The following MDGA2 variants were observed in gnomAD, a reference collection of about 807,000 sequenced individuals.
MDGA2 encodes the protein MAM domain containing glycosylphosphatidylinositol anchor 2.
Under a neutral mutation model 117.8 loss-of-function variants are expected in MDGA2, and 40 were observed. The observed-to-expected ratio is 0.34, with a 90% CI of 0.26 to 0.44. The LOEUF (loss-of-function observed/expected upper bound fraction) is 0.44, where lower values mean the gene tolerates loss of function less well. MDGA2 is among the 20% of genes least tolerant of loss of function. The pLI is 1.00. For synonymous variants in MDGA2, 452 were observed against 439.0 expected (o/e 1.03, Z -0.37); for missense variants, 1,123 against 1,250.6 (o/e 0.90, Z 1.54).
intron 2 of MDGA2, among the ~76,000 whole-genome samples, chr14:47,293,854 G>C (rs1047454550): frequency 3.9e-5 from 6 of 152,008 alleles, no homozygotes; most frequent in East Asian, 1.9e-4. Context: ...AGAGTAAAAA[G>C]TATTAGCAAT....
chr14:47,539,101 T>C (rs1268248735), intron 1 of MDGA2, among the ~76,000 whole-genome samples: 1 of 152,094 alleles, frequency 6.6e-6, no homozygotes, highest in African/African-American at 2.4e-5. Context: ...TGAGGGCTGG[T>C]TGGTGCACAC....
intron 1 of MDGA2, among the ~76,000 whole-genome samples, chr14:47,364,533 G>A (rs1566755587): frequency 6.6e-6 from 1 of 152,142 alleles, no homozygotes; most frequent in Non-Finnish European, 1.5e-5. Flanking sequence ...CAACGTGCTG[G>A]GATTACAGGC....
At chr14:47,272,379 T>C (rs1888174177) in intron 2 of MDGA2, among the ~76,000 whole-genome samples, 1 of 152,086 alleles carries the variant, frequency 6.6e-6, no homozygotes. Context: ...ATACCAGTTA[T>C]GTCACACCAG....
intron 3 of MDGA2, among the ~76,000 whole-genome samples, chr14:47,191,446 T>C (rs538471202): frequency 6.7e-6 from 1 of 149,470 alleles, no homozygotes; most frequent in African/African-American, 2.4e-5. Flanking sequence ...ATGAAAATTC[T>C]AGAAATATTA....
At chr14:47,454,611 T>C (rs1170693473) in intron 1 of MDGA2, among the ~76,000 whole-genome samples, 1 of 152,226 alleles carries the variant, frequency 6.6e-6, no homozygotes, top group Non-Finnish European at 1.5e-5. Flanking sequence ...CTTTTACACA[T>C]GTACCTGATT....
At chr14:47,255,124 ACATATTACCCAT>A (rs1243284416) in intron 2 of MDGA2, among the ~76,000 whole-genome samples, 94 of 152,336 alleles carry the variant, frequency 6.2e-4, no homozygotes, top group African/African-American at 2.2e-3. Context: ...TTAACATGTG[ACATATTACCCAT>A]TTTAATTTTG....
intron 1 of MDGA2, among the ~76,000 whole-genome samples, chr14:47,545,045 T>C (rs2138764435): frequency 6.6e-6 from 1 of 152,356 alleles, no homozygotes; most frequent in African/African-American, 2.4e-5. Context: ...AGAATCATTT[T>C]CATTATTCAA....
At chr14:47,383,510 T>C (rs1594829005) in intron 1 of MDGA2, among the ~76,000 whole-genome samples, 1 of 152,268 alleles carries the variant, frequency 6.6e-6, no homozygotes, top group South Asian at 2.1e-4. Context: ...TATCACACCA[T>C]TCTTCTGAAT....
chr14:46,872,214 A>G (rs1882032859), intron 14 of MDGA2, among the ~76,000 whole-genome samples: 1 of 151,982 alleles, frequency 6.6e-6, no homozygotes, highest in Non-Finnish European at 1.5e-5. Context: ...AGCTTAAATA[A>G]TATGGTGGCT....
chr14:47,275,622 C>T (rs576846717), intron 2 of MDGA2, among the ~76,000 whole-genome samples: 3 of 151,946 alleles, frequency 2.0e-5, no homozygotes, highest in Non-Finnish European at 4.4e-5. Context: ...TTATGTAATA[C>T]TATAATTCCA....
intron 1 of MDGA2, among the ~76,000 whole-genome samples, chr14:47,324,341 A>G (rs1890078358): frequency 6.6e-6 from 1 of 152,332 alleles, no homozygotes; most frequent in East Asian, 1.9e-4. Context: ...AGTCAGATAC[A>G]TTGGTGTTAC....
At chr14:47,003,633 C>T (rs1447733793) in intron 8 of MDGA2, among the ~76,000 whole-genome samples, 1 of 151,890 alleles carries the variant, frequency 6.6e-6, no homozygotes, top group Non-Finnish European at 1.5e-5. Context: ...GTCTATATTG[C>T]TCATTTTTTT....
chr14:47,061,144 A>C (rs1889866649), intron 7 of MDGA2, 105 bp downstream of exon 7: 6 of 1,086,748 alleles, frequency 5.5e-6, no homozygotes, highest in Non-Finnish European at 7.9e-6. Context: ...GTTTTTAGGA[A>C]ACTTAAAAGG....
At chr14:47,667,792 T>A (rs959835282) in intron 1 of MDGA2, among the ~76,000 whole-genome samples, 1 of 152,150 alleles carries the variant, frequency 6.6e-6, no homozygotes, top group Non-Finnish European at 1.5e-5. Context: ...TATTTTTATT[T>A]CCACCATTCA....
At chr14:47,497,664 T>C (rs1357147237) in intron 1 of MDGA2, among the ~76,000 whole-genome samples, 3 of 152,194 alleles carry the variant, frequency 2.0e-5, no homozygotes, top group Non-Finnish European at 2.9e-5. Flanking sequence ...TGCTTGTATG[T>C]CAATTTAATA....
At chr14:47,490,526 G>A (rs1894147041) in intron 1 of MDGA2, among the ~76,000 whole-genome samples, 1 of 152,044 alleles carries the variant, frequency 6.6e-6, no homozygotes, top group Admixed American at 6.6e-5. Context: ...AGGTGGTGTA[G>A]TCTGTCTCCT....
At chr14:47,044,114 A>T (rs1342374699) in intron 7 of MDGA2, among the ~76,000 whole-genome samples, 1 of 151,734 alleles carries the variant, frequency 6.6e-6, no homozygotes, top group Non-Finnish European at 1.5e-5. Context: ...TGATTGATTG[A>T]TAGAGCACAA....
intron 1 of MDGA2, among the ~76,000 whole-genome samples, chr14:47,532,679 A>G (rs1368356981): frequency 6.6e-6 from 1 of 152,194 alleles, no homozygotes; most frequent in Non-Finnish European, 1.5e-5. Context: ...TCTTTTTCAC[A>G]AGTCATACCA....
At chr14:47,415,528 G>A (rs1892457232) in intron 1 of MDGA2, among the ~76,000 whole-genome samples, 1 of 151,750 alleles carries the variant, frequency 6.6e-6, no homozygotes, top group African/African-American at 2.4e-5. Context: ...TACTATTATT[G>A]TTAATCTCTT....
Sources: gnomAD v4.1 joint callset for allele counts (sites outside exome capture counted in the v4.1 genomes callset) on GRCh38, gnomAD v4.1.1 for gene constraint, MANE v1.5 for transcripts, NCBI Gene and HGNC (gene_info 2026-07-23, HGNC 2026-07-21) for gene names.